The following PARD3 variants were observed in gnomAD, a reference collection of about 807,000 sequenced individuals.
The protein encoded by PARD3 is par-3 family cell polarity regulator.
PARD3 carries 75 observed loss-of-function variants against 155.4 expected under a neutral mutation model. The observed-to-expected ratio is 0.48, with a 90% CI of 0.40 to 0.58. The LOEUF (loss-of-function observed/expected upper bound fraction) is 0.58, where lower values mean the gene tolerates loss of function less well. PARD3 is among the 20% of genes least tolerant of loss of function. The pLI is 0.00. For synonymous variants in PARD3, 576 were observed against 610.5 expected (o/e 0.94, Z 0.83); for missense variants, 1,642 against 1,721.7 (o/e 0.95, Z 0.82).
chr10:34,134,410 A>C (rs1196355010), intron 22 of PARD3, among the ~76,000 whole-genome samples: 4 of 152,220 alleles, frequency 2.6e-5, no homozygotes, highest in Non-Finnish European at 4.4e-5. Context: ...AGAGAGTTTT[A>C]AGCCCATAAT....
chr10:34,452,570 T>C (rs988253617), intron 4 of PARD3, among the ~76,000 whole-genome samples: 2 of 152,188 alleles, frequency 1.3e-5, no homozygotes, highest in African/African-American at 2.4e-5. Flanking sequence ...GAGTCCAGTA[T>C]GCTACTGGTA....
intron 22 of PARD3, among the ~76,000 whole-genome samples, chr10:34,181,380 T>C (rs1950260461): frequency 6.6e-6 from 1 of 152,184 alleles, no homozygotes; most frequent in African/African-American, 2.4e-5. Context: ...TACGTATCTG[T>C]ATAACGACCA....
At chr10:34,800,990 C>G (rs917714682) in intron 1 of PARD3, among the ~76,000 whole-genome samples, 3 of 152,148 alleles carry the variant, frequency 2.0e-5, no homozygotes, top group Non-Finnish European at 4.4e-5. Flanking sequence ...GACTAAAATC[C>G]CCCCTATCAA....
intron 3 of PARD3, among the ~76,000 whole-genome samples, chr10:34,511,849 C>T (rs2081415432): frequency 6.6e-6 from 1 of 152,266 alleles, no homozygotes; most frequent in Admixed American, 6.5e-5. Context: ...CCTCAGCCTC[C>T]CGAGCCACAG....
At chr10:34,570,473 C>G (rs1322566062) in intron 2 of PARD3, among the ~76,000 whole-genome samples, 1 of 152,134 alleles carries the variant, frequency 6.6e-6, no homozygotes, top group Non-Finnish European at 1.5e-5. Flanking sequence ...ACAGAATAGA[C>G]TTTTCAAAAT....
intron 3 of PARD3, among the ~76,000 whole-genome samples, chr10:34,504,347 T>G (rs2080909604): frequency 6.6e-6 from 1 of 150,730 alleles, no homozygotes; most frequent in Admixed American, 6.6e-5. Flanking sequence ...GGTCTTGAAC[T>G]CCTGGCCTCA....
intron 9 of PARD3, among the ~76,000 whole-genome samples, chr10:34,381,946 G>GAAA (rs1841901762): frequency 9.6e-6 from 1 of 103,924 alleles, no homozygotes; most frequent in East Asian, 2.6e-4. Flanking sequence ...AAAAAAGAAA[G>GAAA]AAAAAGAAAA....
chr10:34,455,399 T>C (rs1371237430), intron 4 of PARD3, among the ~76,000 whole-genome samples: 1 of 152,214 alleles, frequency 6.6e-6, no homozygotes, highest in Non-Finnish European at 1.5e-5. Context: ...TGCTTAATTA[T>C]TTCTCCAGGA....
At chr10:34,328,081 G>A (rs1186876575) in intron 19 of PARD3, among the ~76,000 whole-genome samples, 3 of 152,218 alleles carry the variant, frequency 2.0e-5, no homozygotes, top group Admixed American at 1.3e-4. Context: ...GCTGGAGGCA[G>A]AAAGTGCCTT....
At chr10:34,678,077 AT>A (rs1353101753) in intron 2 of PARD3, among the ~76,000 whole-genome samples, 1 of 151,548 alleles carries the variant, frequency 6.6e-6, no homozygotes. Context: ...TATTTATTTA[AT>A]TTATTTATTT....
At chr10:34,152,631 T>G (rs1238668579) in intron 22 of PARD3, among the ~76,000 whole-genome samples, 1 of 152,222 alleles carries the variant, frequency 6.6e-6, no homozygotes, top group African/African-American at 2.4e-5. Flanking sequence ...TACTTCAATG[T>G]GTGCTGATCT....
At chr10:34,579,268 C>CAAA (rs11463688) in intron 2 of PARD3, among the ~76,000 whole-genome samples, 2 of 136,212 alleles carry the variant, frequency 1.5e-5, no homozygotes, top group African/African-American at 2.6e-5. Flanking sequence ...AGACTGGTCT[C>CAAA]AAAAAAAAAA....
chr10:34,549,192 G>A (rs1384181053), intron 2 of PARD3, among the ~76,000 whole-genome samples: 2 of 152,192 alleles, frequency 1.3e-5, no homozygotes, highest in Non-Finnish European at 1.5e-5. Context: ...TCTGAAAGAA[G>A]AGCTCTGTGG....
At chr10:34,346,560 A>G (rs978883968) in intron 15 of PARD3, 7 of 1,217,528 alleles carry the variant, frequency 5.7e-6, no homozygotes, top group Non-Finnish European at 7.5e-6. Context: ...CAAAAAAATA[A>G]TTTAACAAAG....
At chr10:34,762,240 G>T (rs1379996476) in intron 1 of PARD3, among the ~76,000 whole-genome samples, 3 of 151,054 alleles carry the variant, frequency 2.0e-5, no homozygotes, top group Non-Finnish European at 4.4e-5. Flanking sequence ...GTGAGAAAGA[G>T]AGAGGCAGGG....
At chr10:34,392,003 A>G (rs1265678703) in intron 7 of PARD3, among the ~76,000 whole-genome samples, 1 of 152,110 alleles carries the variant, frequency 6.6e-6, no homozygotes, top group Non-Finnish European at 1.5e-5. Context: ...CAAAAATACA[A>G]AAAATTAGCC....
At chr10:34,252,391 C>T (rs1954369481) in intron 22 of PARD3, among the ~76,000 whole-genome samples, 1 of 146,130 alleles carries the variant, frequency 6.8e-6, no homozygotes, top group South Asian at 2.1e-4. Context: ...TTGTTATCTC[C>T]TCGTCCTTCC....
chr10:34,442,957 T>C (rs2076543480), intron 5 of PARD3, among the ~76,000 whole-genome samples: 1 of 152,130 alleles, frequency 6.6e-6, no homozygotes, highest in South Asian at 2.1e-4. Flanking sequence ...TGGATAGTTC[T>C]AGATCTCAGG....
At chr10:34,304,851 T>C (rs776812602) in intron 20 of PARD3, among the ~76,000 whole-genome samples, 14 of 152,222 alleles carry the variant, frequency 9.2e-5, no homozygotes, top group Admixed American at 8.5e-4. Flanking sequence ...AGCCACAGTA[T>C]TGGCTACATG....
Sources: gnomAD v4.1 joint callset for allele counts (sites outside exome capture counted in the v4.1 genomes callset) on GRCh38, gnomAD v4.1.1 for gene constraint, MANE v1.5 for transcripts, NCBI Gene and HGNC (gene_info 2026-07-23, HGNC 2026-07-21) for gene names.